Variants in PHLPP2 observed in about 807,000 individuals in gnomAD.
PHLPP2 encodes the protein PH domain and leucine rich repeat protein phosphatase 2, also known as PH domain leucine-rich repeat-containing protein phosphatase 2.
Under a neutral mutation model 124.9 loss-of-function variants are expected in PHLPP2, and 66 were observed. The ratio of observed to expected loss-of-function variants is 0.53; its 90% CI spans 0.43 to 0.65. The LOEUF (loss-of-function observed/expected upper bound fraction) is 0.65, where lower values mean the gene tolerates loss of function less well. Ranked by LOEUF, PHLPP2 falls within the 30% of genes least tolerant of loss-of-function variation. The pLI is 0.00. For synonymous variants in PHLPP2, 681 were observed against 624.7 expected (o/e 1.09, Z -1.34); for missense variants, 1,685 against 1,600.4 (o/e 1.05, Z -0.90).
chr16:71,655,055 A>C (rs2044730492), intron 17 of PHLPP2, 185 bp downstream of exon 17: 2 of 543,884 alleles, frequency 3.7e-6, no homozygotes, highest in Non-Finnish European at 6.6e-6. Context: ...GATGACCCCC[A>C]CAGGCTTTTG....
intron 8 of PHLPP2, chr16:71,677,314 G>A (rs1351892306): frequency 1.3e-5 from 2 of 153,288 alleles, no homozygotes; most frequent in African/African-American, 2.4e-5. Flanking sequence ...TTGAGTCAGT[G>A]AGTAGCAAAG....
intron 17 of PHLPP2, among the ~76,000 whole-genome samples, chr16:71,654,216 A>AC (rs893699293): frequency 2.0e-5 from 3 of 149,462 alleles, no homozygotes; most frequent in South Asian, 2.1e-4. Flanking sequence ...AAAAAAAAAA[A>AC]AAAAAAAAAA....
intron 3 of PHLPP2, among the ~76,000 whole-genome samples, chr16:71,699,274 C>G (rs1443344452): frequency 6.6e-6 from 1 of 152,096 alleles, no homozygotes; most frequent in Non-Finnish European, 1.5e-5. Flanking sequence ...AATTTCCATC[C>G]CTGTTTGTCT....
At chr16:71,701,437 C>T (rs1334699189) in intron 3 of PHLPP2, among the ~76,000 whole-genome samples, 1 of 152,114 alleles carries the variant, frequency 6.6e-6, no homozygotes, top group Non-Finnish European at 1.5e-5. Context: ...CTCACTCAAA[C>T]CATACTAGCT....
chr16:71,682,007 G>T, intron 5 of PHLPP2, 102 bp from the exon 6 acceptor site: 3 of 710,366 alleles, frequency 4.2e-6, no homozygotes, highest in Non-Finnish European at 3.8e-6. Flanking sequence ...TAATTAAAAA[G>T]ATAGGAAAAA....
rs1303929667 is a variant in PHLPP2, at chr16:71,653,103, T to C, written c.2586-82A>G. The C allele has an allele frequency of 2.0e-5, 8 of 405,118 alleles. No homozygotes were observed. In the South Asian group the frequency reaches 3.0e-4, roughly 15 times the overall value. The allele number at this position is 405,118 out of a possible 1,614,324, so 25.1% of individuals were successfully genotyped here. On this transcript the variant is annotated intron_variant, in intron 17 of 18. Transcript: ENST00000568954. Reference sequence around the variant, plus strand: ...GGTCCTGCACGTACATCCCTTCTTTTTTTTTTTTTTTTTTTTTACCATGTG... The same window carrying C: ...GGTCCTGCACGTACATCCCTTCTTTCTTTTTTTTTTTTTTTTTACCATGTG...
intron 5 of PHLPP2, among the ~76,000 whole-genome samples, chr16:71,682,757 A>G (rs2045014788): frequency 6.6e-6 from 1 of 152,264 alleles, no homozygotes; most frequent in African/African-American, 2.4e-5. Flanking sequence ...TTTTATAGCC[A>G]ACACAATATA....
chr16:71,702,716 A>G lies in PHLPP2; in HGVS notation c.300T>C (p.Thr100=), dbSNP rs776800535. 1.2e-6 allele frequency: 2 copies of G among 1,605,960 alleles called. No homozygotes were observed. Among genetic ancestry groups the G allele is most frequent in the East Asian group, 4.5e-5 (2 of 44,836 alleles). Residue 100 remains threonine, a synonymous_variant, in exon 3 of 19, where the codon ACT becomes ACC. Transcript: ENST00000568954. ...CATAAACGATCTGAAGAGGTCGTTC[A>G]GTAGGTTCCAGTCTCCTGATTACAC... ...HGDLVRRLEP[T]ERPLQIVYDY...
rs71153656 is a variant in PHLPP2 at position 71,715,823 on chromosome 16, C to CAA, written c.-6-1024_-6-1023dup. On this transcript the variant is annotated intron_variant, in intron 1 of 18. Transcript: ENST00000568954. ...TAAAGCCCCATCTCCACTAAAAATA[C>CAA]AAAAAAAAAAAAAAAACAAAAAATT... Among the ~76,000 whole-genome samples the CAA allele has an allele frequency of 1.3e-3, 145 of 113,082 alleles. 1 individual carries two copies. The highest frequency in any genetic ancestry group is 4.2e-3 in the African/African-American group (127 of 30,222). The allele number at this position is 113,082 out of a possible 152,430, so 74.2% of individuals were successfully genotyped here. A position where few individuals can be genotyped will look rare whatever the true frequency, so the allele number is the denominator to read the frequency against.
chr16:71,708,155 A>G (rs2045293708), intron 2 of PHLPP2, among the ~76,000 whole-genome samples: 1 of 152,100 alleles, frequency 6.6e-6, no homozygotes, highest in South Asian at 2.1e-4. Flanking sequence ...TGCCATCCCA[A>G]TACTCCACCA....
intron 1 of PHLPP2, chr16:71,723,782 A>G: frequency 7.5e-7 from 1 of 1,335,680 alleles, no homozygotes; most frequent in South Asian, 1.6e-5. Context: ...CAGGACCCGG[A>G]TCCCTCCCGG....
At chr16:71,657,674 G>GT (rs1193826382) in intron 15 of PHLPP2, among the ~76,000 whole-genome samples, 6 of 152,164 alleles carry the variant, frequency 3.9e-5, no homozygotes, top group Admixed American at 1.3e-4. Flanking sequence ...GATTACAGGC[G>GT]TGAGCCACCG....
chr16:71,659,591 C>T (rs938071899), intron 13 of PHLPP2, among the ~76,000 whole-genome samples: 1 of 152,120 alleles, frequency 6.6e-6, no homozygotes, highest in Admixed American at 6.5e-5. Flanking sequence ...TCTATACTTA[C>T]CCATTCATGA....
chr16:71,683,263 G>C (rs1426762633), intron 5 of PHLPP2, among the ~76,000 whole-genome samples: 1 of 152,070 alleles, frequency 6.6e-6, no homozygotes, highest in Non-Finnish European at 1.5e-5. Context: ...AAGATGGCTA[G>C]AAGAAAAAGA....
chr16:71,653,087 C>T (rs1056083981), intron 17 of PHLPP2, 66 bp from the exon 18 acceptor site: 24 of 826,422 alleles, frequency 2.9e-5, no homozygotes, highest in South Asian at 1.3e-4. Context: ...TGGTCCTGCA[C>T]GTACATCCCT....
rs774040632 is a variant in PHLPP2, at chr16:71,658,382, A to T, written c.2149-19T>A. 2 of 1,608,864 alleles carry T rather than the reference A, an allele frequency of 1.2e-6. No individual in the cohort carries two copies. Among genetic ancestry groups the T allele is most frequent in the Non-Finnish European group, 8.5e-7 (1 of 1,176,904 alleles). On this transcript the variant is annotated intron_variant, in intron 14 of 18. Coordinates refer to ENST00000568954, the MANE Select transcript of PHLPP2 (RefSeq NM_015020.3). ...CTACAAACTAAGAAAAAATTGAGAA[A>T]TCAAAAGAAAATACATCACAGAGAC...
intron 3 of PHLPP2, among the ~76,000 whole-genome samples, chr16:71,691,567 T>A (rs1050113877): frequency 1.3e-5 from 2 of 151,970 alleles, no homozygotes; most frequent in African/African-American, 4.8e-5. Context: ...ATGGAATAAA[T>A]GACAACCACT....
At position 71,714,649 on chromosome 16, in the gene PHLPP2, G is replaced by A; in HGVS notation, c.147C>T (p.Thr49=). Residue 49 remains threonine (T), a synonymous_variant, in exon 2 of 19, where the codon ACC becomes ACT. Transcript: ENST00000568954. ...AGGAGGAGGAGGAAGAGGAAGAGGAGGTGGTGGTGGTTGTAGTGGCAGTGG... is the reference window on the plus strand; with the variant it reads ...AGGAGGAGGAGGAAGAGGAAGAGGAAGTGGTGGTGGTTGTAGTGGCAGTGG... ...DTTTATTTTT[T]SSSSSSSSSS... 3 of 1,612,808 alleles carry A rather than the reference G, an allele frequency of 1.9e-6. No homozygotes were observed. The highest frequency in any genetic ancestry group is 1.1e-5 in the South Asian group (1 of 91,036).
intron 10 of PHLPP2, among the ~76,000 whole-genome samples, chr16:71,670,707 C>T (rs1199244129): frequency 6.6e-6 from 1 of 151,494 alleles, no homozygotes; most frequent in Admixed American, 6.6e-5. Context: ...CACACACACA[C>T]ACACACACAC....
Sources: allele counts gnomAD v4.1 joint callset (sites outside exome capture counted in the v4.1 genomes callset), GRCh38; gene constraint gnomAD v4.1.1; transcripts MANE v1.5; gene names NCBI Gene and HGNC (gene_info 2026-07-23, HGNC 2026-07-21).